TRHDE: variants seen among roughly 807,000 people sequenced by gnomAD.
The protein encoded by TRHDE is thyrotropin-releasing hormone-degrading ectoenzyme.
In TRHDE, 72 loss-of-function variants were observed where a neutral mutation model predicts 125.7. That is an observed-to-expected ratio of 0.57 (90% CI 0.47 to 0.70). TRHDE has a LOEUF of 0.70. TRHDE is among the 30% of genes least tolerant of loss of function. TRHDE has a pLI of 0.00. For synonymous variants in TRHDE, 509 were observed against 509.1 expected, an observed-to-expected ratio of 1.00 and a Z score of 0.00; for missense variants, 1,110 against 1,327.1, an observed-to-expected ratio of 0.84 and a Z score of 2.54.
At chr12:72,100,252 G>A (rs546659662) in intron 1 of TRHDE, among the ~76,000 whole-genome samples, 1 of 152,238 alleles carries the variant, frequency 6.6e-6, no homozygotes, top group East Asian at 1.9e-4. Flanking sequence ...AGGATTAAAT[G>A]AGAAAATGTA....
At chr12:72,595,690 A>G (rs907648369) in intron 12 of TRHDE, among the ~76,000 whole-genome samples, 5 of 152,176 alleles carry the variant, frequency 3.3e-5, no homozygotes, top group Non-Finnish European at 7.4e-5. Context: ...TGTGACCTTG[A>G]GCAAGTTACT....
At chr12:72,581,041 G>C (rs1313392008) in intron 12 of TRHDE, among the ~76,000 whole-genome samples, 1 of 151,920 alleles carries the variant, frequency 6.6e-6, no homozygotes, top group Admixed American at 6.6e-5. Context: ...TTAAAAGTAA[G>C]AGAATGAAAG....
intron 12 of TRHDE, among the ~76,000 whole-genome samples, chr12:72,603,416 A>T (rs935166734): frequency 1.3e-5 from 2 of 151,994 alleles, no homozygotes; most frequent in Non-Finnish European, 2.9e-5. Context: ...GGCAGAGTAA[A>T]CTTTCTTATA....
At chr12:72,563,160 T>G in intron 9 of TRHDE, 120 bp downstream of exon 9, 2 of 750,772 alleles carry the variant, frequency 2.7e-6, no homozygotes, top group South Asian at 4.6e-5. Flanking sequence ...TAGTTTTTGT[T>G]TCTTTATTTA....
At chr12:72,628,175 G>A (rs953220131) in intron 15 of TRHDE, among the ~76,000 whole-genome samples, 3 of 151,668 alleles carry the variant, frequency 2.0e-5, no homozygotes, top group Non-Finnish European at 2.9e-5. Context: ...AATCTAATGG[G>A]GTAGACCAAT....
At chr12:72,297,741 T>A (rs1880356463) in intron 2 of TRHDE, among the ~76,000 whole-genome samples, 2 of 152,154 alleles carry the variant, frequency 1.3e-5, no homozygotes, top group African/African-American at 4.8e-5. Context: ...TCTCTGCCTC[T>A]GAGGGTGGAT....
chr12:72,649,060 C>T (rs1303527152), intron 15 of TRHDE, among the ~76,000 whole-genome samples: 1 of 151,512 alleles, frequency 6.6e-6, no homozygotes, highest in African/African-American at 2.4e-5. Flanking sequence ...TATGGAACCA[C>T]AAAAGACTAC....
chr12:72,589,280 A>G (rs1345545239), intron 12 of TRHDE, among the ~76,000 whole-genome samples: 1 of 152,112 alleles, frequency 6.6e-6, no homozygotes, highest in African/African-American at 2.4e-5. Context: ...CTGATGACCA[A>G]TGATGTTGAG....
intron 2 of TRHDE, among the ~76,000 whole-genome samples, chr12:72,353,999 A>T (rs376060438): frequency 6.6e-6 from 1 of 151,762 alleles, no homozygotes; most frequent in East Asian, 1.9e-4. Flanking sequence ...TATTACATCA[A>T]TGTTGGGATG....
intron 10 of TRHDE, among the ~76,000 whole-genome samples, chr12:72,569,493 G>T (rs1870618770): frequency 6.6e-6 from 1 of 152,096 alleles, no homozygotes; most frequent in African/African-American, 2.4e-5. Flanking sequence ...ATTTGAAATA[G>T]GGTGAGGTAT....
chr12:72,098,862 T>C (rs897220023), intron 1 of TRHDE, among the ~76,000 whole-genome samples: 1 of 152,090 alleles, frequency 6.6e-6, no homozygotes, highest in Admixed American at 6.5e-5. Flanking sequence ...ACCCACAGAA[T>C]TGTAAGAAAG....
intron 2 of TRHDE, among the ~76,000 whole-genome samples, chr12:72,314,680 G>A (rs112901618): frequency 6.6e-6 from 1 of 152,162 alleles, no homozygotes; most frequent in Non-Finnish European, 1.5e-5. Flanking sequence ...AAGAGTCACA[G>A]GTGAAGTTTA....
intron 6 of TRHDE, among the ~76,000 whole-genome samples, chr12:72,528,267 C>T (rs1350377164): frequency 6.6e-6 from 1 of 152,126 alleles, no homozygotes; most frequent in Admixed American, 6.5e-5. Context: ...TTTGAAATGC[C>T]TTCTTCACTA....
At chr12:72,295,123 G>A (rs1880239369) in intron 2 of TRHDE, among the ~76,000 whole-genome samples, 1 of 149,886 alleles carries the variant, frequency 6.7e-6, no homozygotes. Flanking sequence ...TGCAGCTGTG[G>A]TGGGGGGTGG....
chr12:72,407,768 A>C lies in TRHDE; in HGVS notation c.1315+29647A>C, dbSNP rs1265970320. Among the ~76,000 whole-genome samples the C allele has an allele frequency of 5.9e-5, 9 of 152,304 alleles. No homozygotes were observed. In the South Asian group the frequency reaches 1.7e-3, roughly 28 times the overall value. On this transcript the variant is annotated intron_variant, in intron 3 of 18. Coordinates refer to ENST00000261180, the MANE Select transcript of TRHDE (RefSeq NM_013381.3). ...TAAAGGGTAAACAAACACAGGGCGC[A>C]CTCTAGGTGGAAGTGTAGTAGACAG...
At chr12:72,494,766 A>G (rs1168178929) in intron 5 of TRHDE, among the ~76,000 whole-genome samples, 5 of 152,068 alleles carry the variant, frequency 3.3e-5, no homozygotes, top group Non-Finnish European at 5.9e-5. Flanking sequence ...CCCTTCACAG[A>G]TGCTACTGAA....
chr12:72,330,759 A>G (rs768482142), intron 2 of TRHDE, among the ~76,000 whole-genome samples: 26 of 152,186 alleles, frequency 1.7e-4, no homozygotes, highest in Admixed American at 3.9e-4. Context: ...AATAGGAGAC[A>G]TTTAGTGGGT....
chr12:72,300,128 G>T (rs1880448171), intron 2 of TRHDE, among the ~76,000 whole-genome samples: 2 of 152,090 alleles, frequency 1.3e-5, no homozygotes, highest in South Asian at 4.1e-4. Flanking sequence ...AAGTACAAGA[G>T]GGTAACCATT....
Position 72,669,635 on chromosome 12 carries a change from G to A in TRHDE, c.*6440G>A, listed in dbSNP as rs990078635. Reference sequence around the variant, plus strand: ...AATTTTGTTCCCACCTTTACATAGCGTATGACCTACTCAGTGAGAACATTC... The same window carrying A: ...AATTTTGTTCCCACCTTTACATAGCATATGACCTACTCAGTGAGAACATTC... On this transcript the variant is annotated 3_prime_UTR_variant, in exon 19 of 19. Transcript: ENST00000261180. 2 of 151,656 alleles carry A rather than the reference G, an allele frequency of 1.3e-5. No individual in the cohort carries two copies. The highest frequency in any genetic ancestry group is 3.0e-5 in the Non-Finnish European group (2 of 67,792). 9.4% of individuals were successfully genotyped at this position (151,656 alleles called of 1,614,324 possible). A position where few individuals can be genotyped will look rare whatever the true frequency, so the allele number is the denominator to read the frequency against.
Sources: allele counts gnomAD v4.1 joint callset (sites outside exome capture counted in the v4.1 genomes callset), GRCh38; gene constraint gnomAD v4.1.1; transcripts MANE v1.5; gene names NCBI Gene and HGNC (gene_info 2026-07-23, HGNC 2026-07-21).